The following UBR4 variants were observed in gnomAD, a reference collection of about 807,000 sequenced individuals.
UBR4 encodes the protein E3 ubiquitin-protein ligase UBR4.
A neutral mutation model predicts 575.6 loss-of-function variants in UBR4; 124 were observed. The ratio of observed to expected loss-of-function variants is 0.22; its 90% CI spans 0.19 to 0.25. UBR4 has a LOEUF of 0.25. UBR4 is among the 10% of genes least tolerant of loss of function. The pLI is 1.00. For missense variants in UBR4, 4,818 were observed against 6,478.8 expected (o/e 0.74, Z 8.80); for synonymous variants, 2,455 against 2,473.7 (o/e 0.99, Z 0.22).
rs543770148 is a variant in UBR4, at chr1:19,078,389, A to G, written c.15234-323T>C. On this transcript the variant is annotated intron_variant, in intron 103 of 105. Transcript: ENST00000375254. ...AATGCAAGGCTAGTGACTTAAAGAAAGGCAAAGGATTCCTATGTATCCCTT... is the reference window on the plus strand; with the variant it reads ...AATGCAAGGCTAGTGACTTAAAGAAGGGCAAAGGATTCCTATGTATCCCTT... 8 of 241,768 alleles carry G rather than the reference A, an allele frequency of 3.3e-5. No homozygotes were observed. The South Asian group carries it at 4.8e-4, about 15-fold the overall frequency. 15.0% of individuals were successfully genotyped at this position (241,768 alleles called of 1,614,324 possible).
intron 17 of UBR4, among the ~76,000 whole-genome samples, chr1:19,181,919 C>G (rs1197676154): frequency 1.3e-5 from 2 of 152,162 alleles, no homozygotes; most frequent in Non-Finnish European, 2.9e-5. Context: ...TTTTTCATCT[C>G]TCCAAACTGA....
intron 104 of UBR4, 178 bp downstream of exon 104, chr1:19,077,798 G>A (rs749497422): frequency 1.3e-6 from 2 of 1,533,230 alleles, no homozygotes; most frequent in Non-Finnish European, 1.8e-6. Flanking sequence ...ACAGACACAA[G>A]GCTCCAGGCT....
At chr1:19,124,955 A>C (rs2081563157) in intron 64 of UBR4, among the ~76,000 whole-genome samples, 1 of 152,052 alleles carries the variant, frequency 6.6e-6, no homozygotes, top group Admixed American at 6.6e-5. Context: ...GGTTTTTGAC[A>C]TTGGGTTGAT....
intron 8 of UBR4, 97 bp downstream of exon 8, chr1:19,197,044 G>T: frequency 2.8e-6 from 4 of 1,432,386 alleles, no homozygotes; most frequent in Admixed American, 2.2e-5. Context: ...AAGGAAGCAA[G>T]GGGGATGAGT....
rs1448308053 is a variant in UBR4 at position 19,183,030 on chromosome 1, G to A, written c.2184+781C>T. Among the ~76,000 whole-genome samples the A allele has an allele frequency of 3.9e-5, 6 of 152,196 alleles. No individual in the cohort carries two copies. The East Asian group carries it at 1.2e-3, about 29-fold the overall frequency. ...ATAAGATTGGAAGTTCACAGTCAAC[G>A]TCCTAGATTTTGTTTTGGTGGTGAG... On this transcript the variant is annotated intron_variant, in intron 17 of 105. Coordinates refer to ENST00000375254, the MANE Select transcript of UBR4 (RefSeq NM_020765.3).
intron 52 of UBR4, 192 bp from the exon 53 acceptor site, chr1:19,146,125 A>C: frequency 2.0e-6 from 3 of 1,535,224 alleles, no homozygotes; most frequent in Non-Finnish European, 2.6e-6. Context: ...GGAATATCGC[A>C]GAAAACATTG....
chr1:19,117,240 T>C lies in UBR4; in HGVS notation c.10804A>G (p.Ile3602Val), dbSNP rs746086562. 6.2e-7 allele frequency: 1 copy of C among 1,612,756 alleles called. No individual in the cohort carries two copies. The highest frequency in any genetic ancestry group is 1.1e-5 in the South Asian group (1 of 91,064). Residue 3602 changes from isoleucine to valine, a missense_variant, in exon 73 of 106, where the codon ATC becomes GTC. Physicochemically the swap from Ile to Val is conservative, Grantham distance 29. Around this residue, in one of 29 missense-constraint regions of UBR4, gnomAD observed 550 missense variants for 791.5 expected, o/e 0.69. Coordinates refer to ENST00000375254, the MANE Select transcript of UBR4 (RefSeq NM_020765.3). This position sits in a 1 kb window ranked among gnomAD's most constrained non-coding sequence, Gnocchi z 4.0. Reference sequence around the variant, plus strand: ...CCGTACTTGTTTTTCAACTCCACGATGGCCTGCACGGTTCGGTTGTTATAA... The same window carrying C: ...CCGTACTTGTTTTTCAACTCCACGACGGCCTGCACGGTTCGGTTGTTATAA... ...LYYNNRTVQAIVELKNKPARW... is the reference protein window; with the variant it reads ...LYYNNRTVQAVVELKNKPARW...
At position 19,155,019 on chromosome 1, in the gene UBR4, C is replaced by T; in HGVS notation, c.6357G>A (p.Leu2119=). The change falls in exon 44 of 106, where the codon TTG becomes TTA. Residue 2119 remains leucine (L), a synonymous_variant. Coordinates refer to ENST00000375254, the MANE Select transcript of UBR4 (RefSeq NM_020765.3). ...GGVSVYYSHV[L]QMLFFSYCQG... ...GACAATAGCTGAAGAACAACATCTG[C>T]AACACGTGGGAGTAGTACACGGACA... is the stretch of plus-strand genomic sequence containing the variant. 1 of 1,614,186 alleles carries T rather than the reference C, an allele frequency of 6.2e-7. No individual in the cohort carries two copies. Among genetic ancestry groups the T allele is most frequent in the Non-Finnish European group, 8.5e-7 (1 of 1,180,026 alleles).
In UBR4 at chr1:19,161,741, A is replaced by G; in HGVS notation, c.5028-5T>C. ...TTACAGGTGTGACAGTGGTACCTAC[A>G]AAGAACAAGAACCAGCAAATAAGCT... On this transcript the variant is annotated splice_region_variant and splice_polypyrimidine_tract_variant and intron_variant, in intron 36 of 105. Transcript: ENST00000375254. The G allele has an allele frequency of 6.2e-7, 1 of 1,613,024 alleles. No homozygotes were observed. The highest frequency in any genetic ancestry group is 8.5e-7 in the Non-Finnish European group (1 of 1,179,208).
chr1:19,159,931 T>A (rs903716673), intron 39 of UBR4, among the ~76,000 whole-genome samples, 180 bp downstream of exon 39: 12 of 152,036 alleles, frequency 7.9e-5, no homozygotes, highest in African/African-American at 2.7e-4. Flanking sequence ...CCTCGTATGC[T>A]GATTTTCACA....
In UBR4 at chr1:19,163,780, T is replaced by C. The variant is rs201962537; in HGVS notation, c.4748A>G (p.Asn1583Ser). 113 of 1,614,156 alleles carry C rather than the reference T, an allele frequency of 7.0e-5. No homozygotes were observed. Among genetic ancestry groups the C allele is most frequent in the Middle Eastern group, 1.6e-4 (1 of 6,062 alleles). ...TTTTCTTACCTTTCCATGCATTACATTGGCATTCAGTTTTTCAACTACATT... is the reference window on the plus strand; with the variant it reads ...TTTTCTTACCTTTCCATGCATTACACTGGCATTCAGTTTTTCAACTACATT... ...QKNVVEKLNA[N>S]VMHGKHVMIL... is the part of the protein sequence containing the mutation. The change falls in exon 34 of 106, where the codon AAT becomes AGT. Residue 1583 changes from asparagine (N) to serine (S), a missense_variant. Asn to Ser is a conservative substitution (Grantham distance 46, BLOSUM62 1). This residue lies in a region of UBR4 where 1,172 missense variants were observed against 1,259.7 expected (regional missense o/e 0.93). Coordinates refer to ENST00000375254, the MANE Select transcript of UBR4 (RefSeq NM_020765.3).
At chr1:19,075,233 C>T (rs534599414) in intron 105 of UBR4, 306 of 328,898 alleles carry the variant, frequency 9.3e-4, no homozygotes, top group Non-Finnish European at 1.5e-3. Context: ...CACGGAGGCT[C>T]GCTGCCTGGC....
intron 81 of UBR4, among the ~76,000 whole-genome samples, chr1:19,108,581 T>C (rs1265583541): frequency 6.6e-6 from 1 of 152,128 alleles, no homozygotes; most frequent in Non-Finnish European, 1.5e-5. Context: ...ATTTGTACTG[T>C]TTCATCAAGG....
In UBR4 at chr1:19,106,741, G is replaced by A. The variant is rs372802484; in HGVS notation, c.12236-15C>T. On this transcript the variant is annotated splice_polypyrimidine_tract_variant and intron_variant, in intron 82 of 105. Coordinates refer to ENST00000375254, the MANE Select transcript of UBR4 (RefSeq NM_020765.3). Reference sequence around the variant, plus strand: ...GCCATCTATCCCTGCAAGGCCAAGGGTTGCAGGGGTAGTAGGTAAGTAAAT... The same window carrying A: ...GCCATCTATCCCTGCAAGGCCAAGGATTGCAGGGGTAGTAGGTAAGTAAAT... 2.5e-6 allele frequency: 4 copies of A among 1,596,996 alleles called. No homozygotes were observed. The African/African-American group carries it at 4.0e-5, about 16-fold the overall frequency.
At chr1:19,104,560 A>C in intron 86 of UBR4, 25 bp downstream of exon 86, 1 of 1,613,262 alleles carries the variant, frequency 6.2e-7, no homozygotes, top group Non-Finnish European at 8.5e-7. Context: ...GGATGCCCTA[A>C]AGGAAGGTCC....
At chr1:19,141,294 T>A (rs2083905330) in intron 57 of UBR4, 53 bp downstream of exon 57, 4 of 1,612,684 alleles carry the variant, frequency 2.5e-6, no homozygotes, top group Non-Finnish European at 8.5e-7. Flanking sequence ...TGCCAAACCC[T>A]CTTTTCCTGT....
In UBR4 at chr1:19,113,795, G is replaced by A. The variant is rs2080173466; in HGVS notation, c.11361C>T (p.Ser3787=). 6.2e-7 allele frequency: 1 copy of A among 1,614,218 alleles called. No homozygotes were observed. ...DDSGTAGGIS[S]TSASVNRYIL... The stretch of plus-strand genomic sequence containing the variant: ...TGTAACGATTCACACTGGCAGAAGT[G>A]GAGCTGATGCCCCCTGCTGTTCCTG... The change falls in exon 77 of 106, where the codon TCC becomes TCT. Residue 3787 remains serine (S), a synonymous_variant. Coordinates refer to ENST00000375254, the MANE Select transcript of UBR4 (RefSeq NM_020765.3).
chr1:19,139,428 T>C lies in UBR4; in HGVS notation c.8594-208A>G, dbSNP rs567317126. Among the ~76,000 whole-genome samples the C allele has an allele frequency of 6.6e-6, 1 of 152,190 alleles. No homozygotes were observed. The highest frequency in any genetic ancestry group is 1.5e-5 in the Non-Finnish European group (1 of 68,036). ...TAACAGGAACAAACACTATACACGG[T>C]GCATTGCAAACAGTACTTAGACAGG... On this transcript the variant is annotated intron_variant, in intron 58 of 105. Coordinates refer to ENST00000375254, the MANE Select transcript of UBR4 (RefSeq NM_020765.3). The surrounding 1 kb of genome is among the most constrained non-coding windows in gnomAD (Gnocchi z 4.2).
intron 105 of UBR4, among the ~76,000 whole-genome samples, chr1:19,076,394 T>C (rs1210186235): frequency 1.3e-5 from 2 of 152,206 alleles, no homozygotes; most frequent in African/African-American, 4.8e-5. Context: ...TCTAGCTATG[T>C]TCCCTTGGCC....
Sources: allele counts gnomAD v4.1 joint callset (sites outside exome capture counted in the v4.1 genomes callset), GRCh38; gene constraint gnomAD v4.1.1; regional missense constraint gnomAD v4.1.1; non-coding constraint Gnocchi (gnomAD v3.1); transcripts MANE v1.5; gene names NCBI Gene and HGNC (gene_info 2026-07-23, HGNC 2026-07-21).